The following SMOC2 variants were observed in gnomAD, a reference collection of about 807,000 sequenced individuals.
SMOC2 encodes SPARC-related modular calcium-binding protein 2.
Under a neutral mutation model 61.4 loss-of-function variants are expected in SMOC2, and 39 were observed. The observed-to-expected ratio is 0.64, with a 90% CI of 0.49 to 0.83. The LOEUF (loss-of-function observed/expected upper bound fraction) is 0.83, where lower values mean the gene tolerates loss of function less well. Among genes scored for constraint, SMOC2 ranks in the 40% least tolerant of loss-of-function variants. SMOC2 has a pLI of 0.00. For missense variants in SMOC2, 556 were observed against 592.9 expected (o/e 0.94, Z 0.65); for synonymous variants, 247 against 239.9 (o/e 1.03, Z -0.27).
In SMOC2 at chr6:168,632,112, C is replaced by G. The variant is rs759442998; in HGVS notation, c.908-18569C>G. 1.9e-3 allele frequency among the ~76,000 whole-genome samples: 287 copies of G among 152,202 alleles called. 1 individual carries two copies. Among genetic ancestry groups the G allele is most frequent in the Admixed American group, 3.4e-3 (52 of 15,278 alleles). On this transcript the variant is annotated intron_variant, in intron 9 of 12. Coordinates refer to ENST00000356284, the MANE Select transcript of SMOC2 (RefSeq NM_001166412.2). Reference sequence around the variant, plus strand: ...ATTGCATAATAATTCCCAAATCTTACAAACATCTTCATCTGAAATTTTGTC... The same window carrying G: ...ATTGCATAATAATTCCCAAATCTTAGAAACATCTTCATCTGAAATTTTGTC...
In SMOC2 at chr6:168,488,948, A is replaced by C. The variant is rs572489487; in HGVS notation, c.85-20967A>C. ...AATCGTCTGGGTCCCCTTGCATCACACTGTTTTAGAGTGAAATATATCGAA... is the reference window on the plus strand; with the variant it reads ...AATCGTCTGGGTCCCCTTGCATCACCCTGTTTTAGAGTGAAATATATCGAA... On this transcript the variant is annotated intron_variant, in intron 1 of 12. Transcript: ENST00000356284. Among the ~76,000 whole-genome samples the C allele has an allele frequency of 6.6e-5, 10 of 150,398 alleles. No homozygotes were observed. In the South Asian group the frequency reaches 2.2e-3, roughly 32 times the overall value.
In SMOC2 at chr6:168,583,477, A is replaced by G. The variant is rs141024869; in HGVS notation, c.638-15341A>G. ...GCAGATGAACGCACAATGTCTGTGT[A>G]TTGGGTGTTTGCTTCTCAGGCATCT... is the stretch of plus-strand genomic sequence containing the variant. On this transcript the variant is annotated intron_variant, in intron 7 of 12. Transcript: ENST00000356284. 8.6e-3 allele frequency among the ~76,000 whole-genome samples: 1,304 copies of G among 152,310 alleles called. 72 individuals carry two copies. The highest frequency in any genetic ancestry group is 0.077 in the Admixed American group (1,174 of 15,304).
At chr6:168,636,892 ACCTCCCTCCTGCCCGCATCCCT>A (rs1786746229) in intron 9 of SMOC2, among the ~76,000 whole-genome samples, 30 of 23,560 alleles carry the variant, frequency 1.3e-3, no homozygotes, top group African/African-American at 1.9e-3. Context: ...CCCTCCTCCC[ACCTCCCTCCTGCCCGCATCCCT>A]CCTCCCTCCT....
chr6:168,543,755 A>T, intron 5 of SMOC2, 83 bp downstream of exon 5: 3 of 1,299,032 alleles, frequency 2.3e-6, no homozygotes, highest in Non-Finnish European at 2.2e-6. Context: ...TAAAGTTGAA[A>T]CATCCACTAG....
At chr6:168,564,583 T>C (rs913048081) in intron 7 of SMOC2, among the ~76,000 whole-genome samples, 15 of 152,364 alleles carry the variant, frequency 9.8e-5, no homozygotes, top group African/African-American at 3.4e-4. Context: ...AGTTAGACTT[T>C]ATAAAATGTA....
At chr6:168,602,139 T>C (rs535165587) in intron 8 of SMOC2, among the ~76,000 whole-genome samples, 1 of 152,324 alleles carries the variant, frequency 6.6e-6, no homozygotes, top group South Asian at 2.1e-4. Flanking sequence ...CCACCTCTCC[T>C]GCGGTTTACA....
At chr6:168,624,020 G>A (rs4708768) in intron 9 of SMOC2, among the ~76,000 whole-genome samples, 3,632 of 152,318 alleles carry the variant, frequency 0.024, 280 homozygotes, top group Admixed American at 0.16. Context: ...GCGCTCACCC[G>A]AGTGGCTGCA....
intron 9 of SMOC2, among the ~76,000 whole-genome samples, chr6:168,641,768 A>G (rs1437078551): frequency 6.6e-6 from 1 of 152,170 alleles, no homozygotes; most frequent in Non-Finnish European, 1.5e-5. Context: ...CCACATCTTC[A>G]CTGGAGGAAC....
At chr6:168,505,458 ATC>A (rs1782851770) in intron 1 of SMOC2, among the ~76,000 whole-genome samples, 2 of 148,640 alleles carry the variant, frequency 1.3e-5, no homozygotes, top group Non-Finnish European at 3.0e-5. Context: ...TGAAATGTCC[ATC>A]TCTCAGATGC....
intron 1 of SMOC2, among the ~76,000 whole-genome samples, chr6:168,477,701 C>A (rs575874121): frequency 6.6e-6 from 1 of 151,812 alleles, no homozygotes; most frequent in Admixed American, 6.6e-5. Flanking sequence ...TGTGTTGGGG[C>A]GGTGGGTTGT....
At chr6:168,520,005 C>T (rs930339850) in intron 2 of SMOC2, among the ~76,000 whole-genome samples, 5 of 152,234 alleles carry the variant, frequency 3.3e-5, no homozygotes, top group South Asian at 2.1e-4. Context: ...ACGAAAATGT[C>T]GTTCCTGTCT....
At chr6:168,619,329 T>C (rs1356981111) in intron 9 of SMOC2, among the ~76,000 whole-genome samples, 1 of 149,990 alleles carries the variant, frequency 6.7e-6, no homozygotes, top group Admixed American at 6.7e-5. Flanking sequence ...TAGATTTACG[T>C]TCATCATGAA....
chr6:168,591,765 T>C (rs935703577), intron 7 of SMOC2, among the ~76,000 whole-genome samples: 4 of 151,914 alleles, frequency 2.6e-5, no homozygotes, highest in Non-Finnish European at 5.9e-5. Flanking sequence ...CTTTATACAT[T>C]AACTCCTCAA....
At chr6:168,460,216 A>C (rs952945532) in intron 1 of SMOC2, among the ~76,000 whole-genome samples, 5 of 152,170 alleles carry the variant, frequency 3.3e-5, no homozygotes, top group African/African-American at 1.2e-4. Flanking sequence ...AAACTCCTCA[A>C]ATGAAATCCC....
At chr6:168,512,158 G>T (rs1456058862) in intron 2 of SMOC2, among the ~76,000 whole-genome samples, 2 of 152,186 alleles carry the variant, frequency 1.3e-5, no homozygotes, top group Non-Finnish European at 2.9e-5. Context: ...GGCCCGAGAG[G>T]GAAGTAGGTG....
At chr6:168,655,827 T>C (rs1260965446) in intron 11 of SMOC2, among the ~76,000 whole-genome samples, 2 of 151,942 alleles carry the variant, frequency 1.3e-5, no homozygotes, top group Non-Finnish European at 2.9e-5. Flanking sequence ...TGCCCACTTG[T>C]GCTAGATCTC....
intron 7 of SMOC2, among the ~76,000 whole-genome samples, chr6:168,568,984 G>C (rs1300950917): frequency 1.3e-5 from 2 of 152,132 alleles, no homozygotes; most frequent in Non-Finnish European, 2.9e-5. Flanking sequence ...CCCAATTTTT[G>C]ACAATTATGA....
intron 9 of SMOC2, among the ~76,000 whole-genome samples, chr6:168,633,907 C>T (rs1355482523): frequency 6.6e-6 from 1 of 152,136 alleles, no homozygotes; most frequent in African/African-American, 2.4e-5. Flanking sequence ...GGGTGGTTAC[C>T]CCTACACTGC....
At chr6:168,604,953 C>T (rs575711953) in intron 8 of SMOC2, among the ~76,000 whole-genome samples, 38 of 152,232 alleles carry the variant, frequency 2.5e-4, no homozygotes, top group African/African-American at 7.9e-4. Flanking sequence ...TTGGCATCTT[C>T]GTCATTGTTT....
Sources: allele counts gnomAD v4.1 joint callset (sites outside exome capture counted in the v4.1 genomes callset), GRCh38; gene constraint gnomAD v4.1.1; transcripts MANE v1.5; gene names NCBI Gene and HGNC (gene_info 2026-07-23, HGNC 2026-07-21).